The following PCDHGA5 variants were observed in gnomAD, a reference collection of about 807,000 sequenced individuals.
The protein encoded by PCDHGA5 is protocadherin gamma subfamily A, 5.
Under a neutral mutation model 56.7 loss-of-function variants are expected in PCDHGA5, and 36 were observed. The observed-to-expected ratio is 0.64, with a 90% confidence interval of 0.49 to 0.84. The LOEUF (loss-of-function observed/expected upper bound fraction) is 0.84. PCDHGA5 is among the 40% of genes least tolerant of loss of function. The pLI is 0.00. For synonymous variants in PCDHGA5, 563 were observed against 520.2 expected, an observed-to-expected ratio of 1.08 and a Z score of -1.12; for missense variants, 1,305 against 1,201.5, an observed-to-expected ratio of 1.09 and a Z score of -1.27.
intron 1 of PCDHGA5, among the ~76,000 whole-genome samples, chr5:141,447,353 G>C (rs559895274): frequency 6.6e-6 from 1 of 152,032 alleles, no homozygotes; most frequent in Admixed American, 6.6e-5. Context: ...TGGTCAGGCT[G>C]GTCTCAAACT....
At chr5:141,371,785 A>G (rs1332853019) in intron 1 of PCDHGA5, 1 of 1,613,964 alleles carries the variant, frequency 6.2e-7, no homozygotes, top group Admixed American at 1.7e-5. Flanking sequence ...GTAGCTGAGA[A>G]CAATCCGCCT....
chr5:141,377,889 C>T (rs914946378), intron 1 of PCDHGA5: 1 of 152,056 alleles, frequency 6.6e-6, no homozygotes, highest in Non-Finnish European at 1.5e-5. Flanking sequence ...AGATAGGATC[C>T]CCCTCTGTTG....
intron 1 of PCDHGA5, chr5:141,410,752 G>GT: frequency 4.4e-6 from 5 of 1,130,822 alleles, no homozygotes; most frequent in Non-Finnish European, 5.8e-6. Context: ...TTTTCTCAAT[G>GT]TTTTTTCAAT....
At chr5:141,445,169 T>C (rs2098458681) in intron 1 of PCDHGA5, among the ~76,000 whole-genome samples, 3 of 152,320 alleles carry the variant, frequency 2.0e-5, no homozygotes, top group Non-Finnish European at 1.5e-5. Flanking sequence ...TACAGAAAAA[T>C]GAAAAACTAT....
chr5:141,400,734 G>T, intron 1 of PCDHGA5: 1 of 634,546 alleles, frequency 1.6e-6, no homozygotes, highest in Non-Finnish European at 2.7e-6. Context: ...AAAGTAGTGA[G>T]AGTTTGCTCT....
Position 141,489,343 on chromosome 5 carries a change from G to A in PCDHGA5, c.2422-5464G>A, listed in dbSNP as rs377697321. On this transcript the variant is annotated intron_variant, in intron 1 of 3. Coordinates refer to ENST00000518069, the MANE Select transcript of PCDHGA5 (RefSeq NM_018918.3). This position sits in a 1 kb window ranked among gnomAD's most constrained non-coding sequence, Gnocchi z 4.5. ...GGTGTCTGGGCAGCTTCGTTACTCA[G>A]TGGTGGAGGAGTCTGAGCCGGGGAC... The A allele has an allele frequency of 5.6e-6, 9 of 1,611,264 alleles. No individual in the cohort carries two copies. Among genetic ancestry groups the A allele is most frequent in the Non-Finnish European group, 7.6e-6 (9 of 1,178,202 alleles).
At chr5:141,400,102 G>C (rs376189143) in intron 1 of PCDHGA5, 35 of 1,614,084 alleles carry the variant, frequency 2.2e-5, no homozygotes, top group Non-Finnish European at 3.0e-5. Context: ...GCTGCACTTG[G>C]TCTTTGCTGA....
chr5:141,423,226 G>A lies in PCDHGA5; in HGVS notation c.2421+56475G>A, dbSNP rs775936938. On this transcript the variant is annotated intron_variant, in intron 1 of 3. Coordinates refer to ENST00000518069, the MANE Select transcript of PCDHGA5 (RefSeq NM_018918.3). The stretch of plus-strand genomic sequence containing the variant: ...CGTCACGCTCACCGTGGCTGTGGCC[G>A]ACAGCATCCCCGAAGTCCTGGCGGA... The A allele has an allele frequency of 2.2e-5, 36 of 1,613,708 alleles. No homozygotes were observed. The highest frequency in any genetic ancestry group is 2.6e-5 in the Non-Finnish European group (31 of 1,180,034).
intron 1 of PCDHGA5, among the ~76,000 whole-genome samples, chr5:141,468,747 T>A (rs2099176715): frequency 6.6e-6 from 1 of 151,990 alleles, no homozygotes; most frequent in South Asian, 2.1e-4. Context: ...GTGCCTGTAG[T>A]CCCAGCTACT....
intron 1 of PCDHGA5, chr5:141,409,213 C>A (rs1379007048): frequency 6.2e-7 from 1 of 1,613,994 alleles, no homozygotes; most frequent in East Asian, 2.2e-5. Context: ...TCATAGAAAT[C>A]CTTGATGAAA....
chr5:141,485,549 G>T lies in PCDHGA5; in HGVS notation c.2422-9258G>T. 1 of 1,614,030 alleles carries T rather than the reference G, an allele frequency of 6.2e-7. No homozygotes were observed. Among genetic ancestry groups the T allele is most frequent in the Non-Finnish European group, 8.5e-7 (1 of 1,179,922 alleles). On this transcript the variant is annotated intron_variant, in intron 1 of 3. Coordinates refer to ENST00000518069, the MANE Select transcript of PCDHGA5 (RefSeq NM_018918.3). The surrounding 1 kb of genome is among the most constrained non-coding windows in gnomAD (Gnocchi z 5.7). Reference sequence around the variant, plus strand: ...CCGAGCAGAGGTAGAGATCGTAGATGTGAATGATCACGCCCCCCGTTTTCC... The same window carrying T: ...CCGAGCAGAGGTAGAGATCGTAGATTTGAATGATCACGCCCCCCGTTTTCC...
chr5:141,487,022 A>T lies in PCDHGA5; in HGVS notation c.2422-7785A>T. ...TCAGCTCCTGGAGGCCCCAGATCCC[A>T]GCCTGTTTGCAGTCTCTCGATATGC... On this transcript the variant is annotated intron_variant, in intron 1 of 3. Coordinates refer to ENST00000518069, the MANE Select transcript of PCDHGA5 (RefSeq NM_018918.3). The surrounding 1 kb of genome is among the most constrained non-coding windows in gnomAD (Gnocchi z 5.0). The T allele has an allele frequency of 1.2e-6, 2 of 1,614,212 alleles. No homozygotes were observed. Among genetic ancestry groups the T allele is most frequent in the Non-Finnish European group, 1.7e-6 (2 of 1,180,048 alleles).
Position 141,365,052 on chromosome 5 carries a change from T to TG in PCDHGA5, c.723dup (p.Phe242ValfsTer30). The TG allele has an allele frequency of 6.2e-7, 1 of 1,613,872 alleles. No homozygotes were observed. ...CTCGACGCAAACGACAATGCGCCCC[T>TG]GTTCACCCCATCCGAGTACAGCGTG... On this transcript the variant is annotated frameshift_variant, in exon 1 of 4. Coordinates refer to ENST00000518069, the MANE Select transcript of PCDHGA5 (RefSeq NM_018918.3). LOFTEE classifies it high-confidence loss of function.
chr5:141,371,971 G>C, intron 1 of PCDHGA5: 1 of 1,612,438 alleles, frequency 6.2e-7, no homozygotes, highest in Non-Finnish European at 8.5e-7. Flanking sequence ...GAGCAGCTGC[G>C]TGCCTTCGAG....
chr5:141,423,141 G>C, intron 1 of PCDHGA5: 1 of 1,613,580 alleles, frequency 6.2e-7, no homozygotes, highest in Non-Finnish European at 8.5e-7. Flanking sequence ...ACAGAGACGC[G>C]CTCAAGCAGA....
intron 1 of PCDHGA5, 144 bp from the exon 2 acceptor site, chr5:141,494,663 G>A: frequency 6.7e-7 from 1 of 1,499,356 alleles, no homozygotes; most frequent in Non-Finnish European, 9.0e-7. Flanking sequence ...TGTCTTTGGA[G>A]ATGAGTCCAC....
intron 1 of PCDHGA5, among the ~76,000 whole-genome samples, chr5:141,433,837 CAA>C (rs56191208): frequency 1.4e-4 from 16 of 111,664 alleles, no homozygotes; most frequent in Non-Finnish European, 1.2e-4. Context: ...AACTCTATCT[CAA>C]AAAAAAAAAA....
chr5:141,441,150 T>C (rs1421773650), intron 1 of PCDHGA5: 4 of 152,122 alleles, frequency 2.6e-5, no homozygotes, highest in African/African-American at 7.2e-5. Context: ...ATAATGACAA[T>C]ATCCTAGAGG....
chr5:141,393,249 G>C, intron 1 of PCDHGA5: 7 of 1,613,786 alleles, frequency 4.3e-6, no homozygotes, highest in Non-Finnish European at 5.9e-6. Context: ...TAACGAAATC[G>C]CGGTTCCTGG....
Sources: allele counts gnomAD v4.1 joint callset (sites outside exome capture counted in the v4.1 genomes callset), GRCh38; gene constraint gnomAD v4.1.1; non-coding constraint Gnocchi (gnomAD v3.1); transcripts MANE v1.5; gene names NCBI Gene and HGNC (gene_info 2026-07-23, HGNC 2026-07-21).